Variants in CPAMD8 observed in about 807,000 individuals in gnomAD.
CPAMD8 encodes C3 and PZP-like alpha-2-macroglobulin domain-containing protein 8.
In CPAMD8, 146 loss-of-function variants were observed where a neutral mutation model predicts 224.7. The ratio of observed to expected loss-of-function variants is 0.65; its 90% CI spans 0.57 to 0.75. CPAMD8 has a LOEUF of 0.75. Ranked by LOEUF, CPAMD8 falls within the 30% of genes least tolerant of loss-of-function variation. The pLI, the probability that CPAMD8 is intolerant of heterozygous loss-of-function variation, is 0.00. For synonymous variants in CPAMD8, 966 were observed against 1,044.6 expected, an observed-to-expected ratio of 0.92 and a Z score of 1.45; for missense variants, 2,301 against 2,537.5, an observed-to-expected ratio of 0.91 and a Z score of 2.00.
Position 16,899,254 on chromosome 19 carries a change from G to A in CPAMD8, c.4848+221C>T, listed in dbSNP as rs1220928778. Among the ~76,000 whole-genome samples the A allele has an allele frequency of 1.3e-5, 2 of 151,988 alleles. No homozygotes were observed. Among genetic ancestry groups the A allele is most frequent in the Non-Finnish European group, 2.9e-5 (2 of 67,996 alleles). ...ATATTTTTTGTAAAGATGGGGTCTC[G>A]CCATGTTGCCCAGGCTGGTCTCGAA... On this transcript the variant is annotated intron_variant, in intron 37 of 41. Transcript: ENST00000443236. This position sits in a 1 kb window ranked among gnomAD's most constrained non-coding sequence, Gnocchi z 5.4.
chr19:16,971,904 AG>A (rs1304679744), intron 17 of CPAMD8, among the ~76,000 whole-genome samples: 2 of 152,010 alleles, frequency 1.3e-5, no homozygotes, highest in Non-Finnish European at 2.9e-5. Flanking sequence ...AGAATTAGCC[AG>A]GCATGGTGGT....
intron 14 of CPAMD8, among the ~76,000 whole-genome samples, chr19:16,979,295 C>T (rs1041968239): frequency 1.6e-5 from 2 of 127,342 alleles, no homozygotes; most frequent in Non-Finnish European, 3.3e-5. Flanking sequence ...TCCTTCTGTA[C>T]CTCCATCCAT....
rs549674825 is a variant in CPAMD8, at chr19:16,901,406, C to T, written c.4686-109G>A. ...CACAGCTGATGTCCCAGGAAGCCTGCCCTGGGGCCTGGCCGGCAGGCCAAC... is the reference window on the plus strand; with the variant it reads ...CACAGCTGATGTCCCAGGAAGCCTGTCCTGGGGCCTGGCCGGCAGGCCAAC... On this transcript the variant is annotated intron_variant, in intron 35 of 41. Transcript: ENST00000443236. The T allele has an allele frequency of 2.7e-4, 205 of 769,256 alleles. 3 individuals are homozygous for T. The African/African-American group carries it at 2.9e-3, about 11-fold the overall frequency. The allele number at this position is 769,256 out of a possible 1,614,324, so 47.7% of individuals were successfully genotyped here. A position where few individuals can be genotyped will look rare whatever the true frequency, so the allele number is the denominator to read the frequency against.
At chr19:17,005,713 G>A (rs1237017308) in intron 7 of CPAMD8, among the ~76,000 whole-genome samples, 4 of 152,196 alleles carry the variant, frequency 2.6e-5, no homozygotes, top group Non-Finnish European at 5.9e-5. Context: ...TCTCACGACA[G>A]AACCGAAAAC....
chr19:17,004,611 G>A (rs2056432997), intron 7 of CPAMD8, among the ~76,000 whole-genome samples: 1 of 152,098 alleles, frequency 6.6e-6, no homozygotes, highest in South Asian at 2.1e-4. Context: ...TGCAGGAAGG[G>A]ACTGGACCCG....
At chr19:16,946,946 C>A in intron 21 of CPAMD8, 128 bp downstream of exon 21, 1 of 974,356 alleles carries the variant, frequency 1.0e-6, no homozygotes, top group Non-Finnish European at 1.5e-6. Context: ...GTTGCTGTCC[C>A]ATTTTCCTTG....
In CPAMD8 at chr19:16,979,342, C is replaced by T. The variant is rs149168738; in HGVS notation, c.1585+1155G>A. Among the ~76,000 whole-genome samples, 55 of 150,904 alleles carry T rather than the reference C, an allele frequency of 3.6e-4. No homozygotes were observed. The Middle Eastern group carries it at 0.014, about 38-fold the overall frequency. On this transcript the variant is annotated intron_variant, in intron 14 of 41. Transcript: ENST00000443236. The stretch of plus-strand genomic sequence containing the variant: ...TCCATCTATTCATCCAGCCATCCAT[C>T]TGTCCATTCATCCATCCATCTGTCC...
At chr19:16,954,088 G>A (rs1457359129) in intron 19 of CPAMD8, among the ~76,000 whole-genome samples, 1 of 152,170 alleles carries the variant, frequency 6.6e-6, no homozygotes, top group Admixed American at 6.5e-5. Context: ...GTGAACATGG[G>A]TATACAAATA....
In CPAMD8 at chr19:16,977,645, T is replaced by C; in HGVS notation, c.1586-105A>G. 3 of 782,646 alleles carry C rather than the reference T, an allele frequency of 3.8e-6. No homozygotes were observed. In the Middle Eastern group the frequency reaches 7.3e-4, roughly 190 times the overall value. The allele number at this position is 782,646 out of a possible 1,614,324, so 48.5% of individuals were successfully genotyped here. ...ATTTGCCCTGCGCTATGCTCCTGTC[T>C]ACGCATTGAGACAGTCTGCATCTTT... On this transcript the variant is annotated intron_variant, in intron 14 of 41. Coordinates refer to ENST00000443236, the MANE Select transcript of CPAMD8 (RefSeq NM_015692.5).
chr19:17,006,472 A>G (rs1599895651), intron 7 of CPAMD8, among the ~76,000 whole-genome samples: 1 of 151,660 alleles, frequency 6.6e-6, no homozygotes, highest in East Asian at 1.9e-4. Flanking sequence ...GCAGTGAGCT[A>G]TGATCACACC....
chr19:16,947,779 T>G (rs2054154700), intron 20 of CPAMD8, among the ~76,000 whole-genome samples: 1 of 152,144 alleles, frequency 6.6e-6, no homozygotes, highest in Non-Finnish European at 1.5e-5. Flanking sequence ...TGTGCATGCA[T>G]GCATGTACAC....
Position 16,928,981 on chromosome 19 carries a change from G to A in CPAMD8, c.3105C>T (p.Phe1035=). Reference sequence around the variant, plus strand: ...CACGCCAGCTGATCCAGAATGTTCTGAATTCATCCCAGGAGAGGATCTTGG... The same window carrying A: ...CACGCCAGCTGATCCAGAATGTTCTAAATTCATCCCAGGAGAGGATCTTGG... The part of the protein sequence containing the change: ...HTAKILSWDE[F]RTFWISWRGG... Residue 1035 remains phenylalanine, a synonymous_variant, in exon 24 of 42, where the codon TTC becomes TTT. Coordinates refer to ENST00000443236, the MANE Select transcript of CPAMD8 (RefSeq NM_015692.5). 6.2e-7 allele frequency: 1 copy of A among 1,613,664 alleles called. No homozygotes were observed. The highest frequency in any genetic ancestry group is 8.5e-7 in the Non-Finnish European group (1 of 1,179,770).
chr19:16,971,064 T>C, intron 17 of CPAMD8, 31 bp from the exon 18 acceptor site: 1 of 1,563,266 alleles, frequency 6.4e-7, no homozygotes, highest in African/African-American at 1.4e-5. Context: ...AAACCATTGG[T>C]GGGGAAGTGG....
intron 17 of CPAMD8, among the ~76,000 whole-genome samples, chr19:16,971,440 G>A (rs1048333299): frequency 7.2e-5 from 11 of 152,166 alleles, no homozygotes; most frequent in Non-Finnish European, 1.3e-4. Flanking sequence ...GTGGAGAAGA[G>A]AGAACAGCAC....
intron 5 of CPAMD8, among the ~76,000 whole-genome samples, chr19:17,011,192 G>A (rs1356425671): frequency 6.6e-6 from 1 of 151,940 alleles, no homozygotes; most frequent in East Asian, 1.9e-4. Context: ...GAGAGACTCG[G>A]TCTTGGGGAA....
At chr19:17,025,447 A>C (rs748688529) in intron 1 of CPAMD8, among the ~76,000 whole-genome samples, 12 of 152,028 alleles carry the variant, frequency 7.9e-5, no homozygotes, top group Non-Finnish European at 1.5e-4. Flanking sequence ...AAAAACAACA[A>C]ACAACAAACA....
At position 17,002,345 on chromosome 19, in the gene CPAMD8, G is replaced by C; in HGVS notation, c.679C>G (p.Pro227Ala). The change falls in exon 9 of 42, where the codon CCC (proline) becomes GCC (alanine). Residue 227 changes from proline to alanine, a missense_variant. Pro to Ala is a conservative substitution (Grantham distance 27). Coordinates refer to ENST00000443236, the MANE Select transcript of CPAMD8 (RefSeq NM_015692.5). ...GGGTCAATCAGAAGCTCAAACTTGG[G>C]CAACACTGAAGAAAGCAAGCAGAGA... ...KSFEVQKYVL[P>A]KFELLIDPPR... is the part of the protein sequence containing the mutation. 6.2e-7 allele frequency: 1 copy of C among 1,603,934 alleles called. No homozygotes were observed. The highest frequency in any genetic ancestry group is 1.3e-5 in the African/African-American group (1 of 74,736).
At chr19:16,965,561 T>A (rs1442646514) in intron 18 of CPAMD8, among the ~76,000 whole-genome samples, 2 of 152,192 alleles carry the variant, frequency 1.3e-5, no homozygotes. Context: ...TGTCCCTGTT[T>A]GCAGATGACA....
In CPAMD8 at chr19:16,962,122, G is replaced by A. The variant is rs190528612; in HGVS notation, c.2214-4207C>T. Reference sequence around the variant, plus strand: ...AAAGCTGATAATTCTAAAAACCTGCGCGCCTCTTCTCCTCCAAAGGATAGT... The same window carrying A: ...AAAGCTGATAATTCTAAAAACCTGCACGCCTCTTCTCCTCCAAAGGATAGT... On this transcript the variant is annotated intron_variant, in intron 18 of 41. Coordinates refer to ENST00000443236, the MANE Select transcript of CPAMD8 (RefSeq NM_015692.5). Among the ~76,000 whole-genome samples, 14 of 152,258 alleles carry A rather than the reference G, an allele frequency of 9.2e-5. 1 individual carries two copies. Among genetic ancestry groups the A allele is most frequent in the South Asian group, 6.2e-4 (3 of 4,822 alleles).
Sources: gnomAD v4.1 joint callset for allele counts (sites outside exome capture counted in the v4.1 genomes callset) on GRCh38, gnomAD v4.1.1 for gene constraint, Gnocchi (gnomAD v3.1) non-coding constraint, MANE v1.5 for transcripts, NCBI Gene and HGNC (gene_info 2026-07-23, HGNC 2026-07-21) for gene names.